The following PTPRA variants were observed in gnomAD, a reference collection of about 807,000 sequenced individuals.
PTPRA encodes receptor-type tyrosine-protein phosphatase alpha.
PTPRA carries 25 observed loss-of-function variants against 104.8 expected under a neutral mutation model. The ratio of observed to expected loss-of-function variants is 0.24; its 90% confidence interval spans 0.17 to 0.33. The LOEUF (loss-of-function observed/expected upper bound fraction) is 0.33. PTPRA is among the 10% of genes least tolerant of loss of function. PTPRA has a pLI of 1.00. For synonymous variants in PTPRA, 323 were observed against 368.9 expected (o/e 0.88, Z 1.43); for missense variants, 765 against 1,015.3 (o/e 0.75, Z 3.35).
chr20:2,873,525 C>A lies in PTPRA; in HGVS notation c.-364C>A, dbSNP rs1365700872. On this transcript the variant is annotated 5_prime_UTR_variant, in exon 1 of 24. Coordinates refer to ENST00000399903, the MANE Select transcript of PTPRA (RefSeq NM_001385305.1). This position sits in a 1 kb window ranked among gnomAD's most constrained non-coding sequence, Gnocchi z 4.4. Reference sequence around the variant, plus strand: ...GGCGAGTGCGGCGCTGACAGAGACGCGCGCGCGCGCGATCGCGCTCGGACC... The same window carrying A: ...GGCGAGTGCGGCGCTGACAGAGACGAGCGCGCGCGCGATCGCGCTCGGACC... The A allele has an allele frequency of 1.3e-5, 2 of 151,346 alleles. No individual in the cohort carries two copies. The highest frequency in any genetic ancestry group is 3.0e-5 in the Non-Finnish European group (2 of 67,682). The allele number at this position is 151,346 out of a possible 1,614,324, so 9.4% of individuals were successfully genotyped here. A position where few individuals can be genotyped will look rare whatever the true frequency, so the allele number is the denominator to read the frequency against.
chr20:3,014,684 C>G lies in PTPRA; in HGVS notation c.907-1165C>G, dbSNP rs1357876819. ...GTGGCTCCTCAGATTTAGGCCACTT[C>G]TTATATTTGGCCACTGCCTTGCAGC... On this transcript the variant is annotated intron_variant, in intron 11 of 23. Transcript: ENST00000399903. 2.6e-5 allele frequency among the ~76,000 whole-genome samples: 4 copies of G among 152,014 alleles called. No homozygotes were observed. In the East Asian group the frequency reaches 7.7e-4, roughly 29 times the overall value.
chr20:2,943,564 A>T lies in PTPRA; in HGVS notation c.-49-4418A>T, dbSNP rs145314440. ...AAAAACCCCTCACAGAAATATCCAG[A>T]ATAACCTTTAACCAAATATCTGGAC... is the stretch of plus-strand genomic sequence containing the variant. On this transcript the variant is annotated intron_variant, in intron 2 of 23. Coordinates refer to ENST00000399903, the MANE Select transcript of PTPRA (RefSeq NM_001385305.1). Among the ~76,000 whole-genome samples the T allele has an allele frequency of 2.0e-5, 3 of 152,306 alleles. No homozygotes were observed. The East Asian group carries it at 5.8e-4, about 29-fold the overall frequency.
upstream of PTPRA, among the ~76,000 whole-genome samples, chr20:2,869,994 C>A (rs1053863307): frequency 1.3e-5 from 2 of 150,144 alleles, no homozygotes; most frequent in African/African-American, 2.5e-5. Context: ...ATATATATAT[C>A]GAGCAAAGGC....
intron 2 of PTPRA, among the ~76,000 whole-genome samples, chr20:2,927,015 T>C (rs1159079126): frequency 1.3e-5 from 2 of 151,986 alleles, no homozygotes; most frequent in Admixed American, 6.6e-5. Context: ...GGTCTCAAAC[T>C]TCTGGCCTCA....
chr20:2,916,630 G>A lies in PTPRA; in HGVS notation c.-128-6577G>A, dbSNP rs138737343. On this transcript the variant is annotated intron_variant, in intron 1 of 23. Transcript: ENST00000399903. ...TGAGGCAGAAAGATGGCTTGAGCTC[G>A]GGTGTTGAAGGCTGCAGTGAGCTCT... Among the ~76,000 whole-genome samples, 379 of 152,200 alleles carry A rather than the reference G, an allele frequency of 2.5e-3. 2 individuals are homozygous for A. The South Asian group carries it at 0.027, about 11-fold the overall frequency.
upstream of PTPRA, chr20:2,873,331 G>C (rs1006673390): frequency 1.3e-5 from 2 of 152,320 alleles, no homozygotes; most frequent in African/African-American, 4.8e-5. This position sits in a 1 kb window ranked among gnomAD's most constrained non-coding sequence, Gnocchi z 4.4. Context: ...CCAGGAGAAC[G>C]TGCGACCGGG....
chr20:2,918,050 T>C (rs1178569533), intron 1 of PTPRA, among the ~76,000 whole-genome samples: 1 of 134,074 alleles, frequency 7.5e-6, no homozygotes, highest in South Asian at 2.4e-4. Flanking sequence ...ATTGCACCAC[T>C]GCACTCCAGC....
rs1325857905 is a variant in PTPRA at position 2,964,356 on chromosome 20, T to C, written c.73+6T>C. On this transcript the variant is annotated splice_donor_region_variant and intron_variant, in intron 4 of 23. Transcript: ENST00000399903. Reference sequence around the variant, plus strand: ...TGCCAACAATGCTACCACAGGTAAATTGTCATTTGATAAGGCTGCTATTTG... The same window carrying C: ...TGCCAACAATGCTACCACAGGTAAACTGTCATTTGATAAGGCTGCTATTTG... 5 of 1,584,332 alleles carry C rather than the reference T, an allele frequency of 3.2e-6. No individual in the cohort carries two copies. Among genetic ancestry groups the C allele is most frequent in the East Asian group, 4.5e-5 (2 of 44,428 alleles).
At chr20:2,966,542 C>G (rs1273778151) in intron 5 of PTPRA, among the ~76,000 whole-genome samples, 1 of 152,154 alleles carries the variant, frequency 6.6e-6, no homozygotes, top group Non-Finnish European at 1.5e-5. Flanking sequence ...TCCCACTATT[C>G]TTGATGAGAT....
At chr20:2,943,345 A>G (rs969019848) in intron 2 of PTPRA, among the ~76,000 whole-genome samples, 2 of 151,974 alleles carry the variant, frequency 1.3e-5, no homozygotes, top group Non-Finnish European at 2.9e-5. Context: ...GGGGGAGGCT[A>G]GCAGGCTGGA....
intron 13 of PTPRA, among the ~76,000 whole-genome samples, chr20:3,020,686 C>T (rs1465705107): frequency 2.0e-5 from 3 of 152,198 alleles, no homozygotes; most frequent in African/African-American, 7.2e-5. Flanking sequence ...CGAGGAATAC[C>T]TATTTGTTAC....
At chr20:2,894,370 C>T (rs6138931) in intron 1 of PTPRA, among the ~76,000 whole-genome samples, 2,501 of 152,252 alleles carry the variant, frequency 0.016, 129 homozygotes, top group Admixed American at 0.091. Context: ...AACCCAAATA[C>T]GTTTTTCAAG....
chr20:2,955,688 CT>C, intron 3 of PTPRA: 1 of 983,576 alleles, frequency 1.0e-6, no homozygotes, highest in Non-Finnish European at 1.2e-6. Flanking sequence ...CTACTCCACC[CT>C]CCCCTGGTGG....
At chr20:3,018,662 CT>C (rs1297611458) in intron 13 of PTPRA, among the ~76,000 whole-genome samples, 1 of 151,730 alleles carries the variant, frequency 6.6e-6, no homozygotes, top group Non-Finnish European at 1.5e-5. Context: ...ATTTCTCAAT[CT>C]TTTCCCCACC....
At chr20:2,890,781 G>A (rs1387433031) in intron 1 of PTPRA, among the ~76,000 whole-genome samples, 2 of 152,144 alleles carry the variant, frequency 1.3e-5, no homozygotes, top group Non-Finnish European at 2.9e-5. Flanking sequence ...CCACTCCTCA[G>A]TTCCCTAGGC....
chr20:2,873,063 GA>G (rs1287852606), upstream of PTPRA, among the ~76,000 whole-genome samples: 5 of 151,764 alleles, frequency 3.3e-5, no homozygotes, highest in Non-Finnish European at 5.9e-5. The surrounding 1 kb of genome is among the most constrained non-coding windows in gnomAD (Gnocchi z 4.4). Context: ...TTAGGGGAGG[GA>G]AAAAAAAGAC....
At chr20:2,892,264 T>C (rs1234055641) in intron 1 of PTPRA, among the ~76,000 whole-genome samples, 1 of 130,730 alleles carries the variant, frequency 7.6e-6, no homozygotes, top group East Asian at 2.2e-4. Flanking sequence ...CACTCCAGCC[T>C]GGGCAACAGA....
upstream of PTPRA, among the ~76,000 whole-genome samples, chr20:2,871,696 T>C (rs1167791612): frequency 1.3e-5 from 2 of 152,240 alleles, no homozygotes; most frequent in African/African-American, 2.4e-5. Flanking sequence ...CTTCCTGCTT[T>C]TCACTTTTCC....
intron 3 of PTPRA, among the ~76,000 whole-genome samples, chr20:2,958,405 T>TGTCATCCATGAGGATATTGAA (rs1357418664): frequency 1.3e-5 from 2 of 151,822 alleles, no homozygotes; most frequent in African/African-American, 4.8e-5. Context: ...GGATTTTGGT[T>TGTCATCCATGAGGATATTGAA]GTCATCCATG....
Sources: gnomAD v4.1 joint callset for allele counts (sites outside exome capture counted in the v4.1 genomes callset) on GRCh38, gnomAD v4.1.1 for gene constraint, Gnocchi (gnomAD v3.1) non-coding constraint, MANE v1.5 for transcripts, NCBI Gene and HGNC (gene_info 2026-07-23, HGNC 2026-07-21) for gene names.